The following ESRRG variants were observed in gnomAD, a reference collection of about 807,000 sequenced individuals.
ESRRG encodes estrogen related receptor gamma.
ESRRG carries 13 observed loss-of-function variants against 44.0 expected under a neutral mutation model. The observed-to-expected ratio is 0.30, with a 90% CI of 0.19 to 0.47. The LOEUF is 0.47. ESRRG is among the 20% of genes least tolerant of loss of function. The pLI is 1.00. For synonymous variants in ESRRG, 215 were observed against 214.6 expected (o/e 1.00, Z -0.02); for missense variants, 395 against 580.6 (o/e 0.68, Z 3.29).
chr1:216,941,855 C>G (rs537596092), intron 1 of ESRRG, among the ~76,000 whole-genome samples: 8 of 152,264 alleles, frequency 5.3e-5, no homozygotes, highest in Non-Finnish European at 1.2e-4. Context: ...CTATTTATCT[C>G]ATTTTTTCCC....
chr1:216,677,822 T>C (rs1575164646), intron 1 of ESRRG, among the ~76,000 whole-genome samples: 1 of 152,272 alleles, frequency 6.6e-6, no homozygotes, highest in South Asian at 2.1e-4. Context: ...ATTTTACCTT[T>C]CTCTTGGAGA....
At chr1:216,855,425 T>A (rs75886367) in intron 2 of ESRRG, among the ~76,000 whole-genome samples, 6 of 115,670 alleles carry the variant, frequency 5.2e-5, no homozygotes, top group Non-Finnish European at 6.6e-5. Flanking sequence ...AGAAAAAAAA[T>A]ATCTGTGGGT....
Position 216,713,184 on chromosome 1 carries a change from G to A in ESRRG, c.56+10060C>T, listed in dbSNP as rs180930178. On this transcript the variant is annotated intron_variant, in intron 1 of 6. Coordinates refer to ENST00000408911, the MANE Select transcript of ESRRG (RefSeq NM_001438.4). ...TGAATACGCCAAATTATTTGTAGGC[G>A]TCAAATTACAAAGAAGAGAAAATGG... Among the ~76,000 whole-genome samples the A allele has an allele frequency of 1.1e-4, 16 of 152,116 alleles. No individual in the cohort carries two copies. The East Asian group carries it at 2.3e-3, about 22-fold the overall frequency.
At chr1:216,642,526 C>T (rs2066660247) in intron 3 of ESRRG, among the ~76,000 whole-genome samples, 1 of 152,002 alleles carries the variant, frequency 6.6e-6, no homozygotes, top group Non-Finnish European at 1.5e-5. Context: ...GTGCTCTTCG[C>T]TATTGCTTAT....
chr1:216,647,800 A>T (rs2067969075), intron 3 of ESRRG, among the ~76,000 whole-genome samples: 1 of 152,188 alleles, frequency 6.6e-6, no homozygotes, highest in Non-Finnish European at 1.5e-5. Flanking sequence ...CATTTCCTTC[A>T]GGCAACACTT....
intron 2 of ESRRG, among the ~76,000 whole-genome samples, chr1:216,814,829 A>T (rs1361331): frequency 0.055 from 8,414 of 152,260 alleles, 740 homozygotes; most frequent in African/African-American, 0.18. Context: ...AAAACTTGCC[A>T]ATTTCCCCAA....
chr1:217,014,952 C>A (rs1325942779), intron 1 of ESRRG, among the ~76,000 whole-genome samples: 1 of 152,064 alleles, frequency 6.6e-6, no homozygotes, highest in Non-Finnish European at 1.5e-5. Flanking sequence ...ATTACAGCTC[C>A]CAAACCAATT....
chr1:216,563,336 C>T (rs748612366), intron 5 of ESRRG, among the ~76,000 whole-genome samples: 6 of 152,124 alleles, frequency 3.9e-5, no homozygotes, highest in African/African-American at 9.7e-5. Flanking sequence ...CAGTTCGTTA[C>T]GACTGTTAGC....
Position 216,905,184 on chromosome 1 carries a change from C to T in ESRRG, c.-14+34398G>A, listed in dbSNP as rs2059550354. Among the ~76,000 whole-genome samples the T allele has an allele frequency of 1.3e-5, 2 of 152,204 alleles. 1 individual carries two copies. Among genetic ancestry groups the T allele is most frequent in the Admixed American group, 1.3e-4 (2 of 15,276 alleles). On this transcript the variant is annotated intron_variant, in intron 2 of 7. Coordinates refer to the ESRRG transcript ENST00000359162. ...AGATACTCCGGCTGCCCATCACACA[C>T]AGAATGCATTGCACACGCCTTACTG...
chr1:216,701,688 T>C (rs1172767787), intron 1 of ESRRG, among the ~76,000 whole-genome samples: 1 of 152,208 alleles, frequency 6.6e-6, no homozygotes, highest in African/African-American at 2.4e-5. Context: ...CCCCAAATGG[T>C]CACCTTACCT....
chr1:216,926,850 C>A (rs2576241), intron 2 of ESRRG, among the ~76,000 whole-genome samples: 80,005 of 151,904 alleles, frequency 0.53, 21,203 homozygotes, highest in Middle Eastern at 0.59. Context: ...GCCAGAGCGC[C>A]GGGTGGAATG....
intron 1 of ESRRG, among the ~76,000 whole-genome samples, chr1:216,994,302 G>C (rs2076092201): frequency 6.6e-6 from 1 of 152,176 alleles, no homozygotes; most frequent in Non-Finnish European, 1.5e-5. Flanking sequence ...TGAGTTAGTA[G>C]CTCCTCTCCA....
intron 3 of ESRRG, among the ~76,000 whole-genome samples, chr1:216,590,384 C>T (rs991595128): frequency 6.6e-6 from 1 of 152,120 alleles, no homozygotes; most frequent in African/African-American, 2.4e-5. Context: ...GAGTGCTTTA[C>T]ACTGAACATT....
intron 1 of ESRRG, among the ~76,000 whole-genome samples, chr1:217,112,407 A>G (rs2092671231): frequency 6.6e-6 from 1 of 152,160 alleles, no homozygotes; most frequent in Non-Finnish European, 1.5e-5. Context: ...CTTGAAAGAG[A>G]GAGGGAACTA....
chr1:216,888,421 T>C (rs984745177), intron 2 of ESRRG, among the ~76,000 whole-genome samples: 4 of 152,202 alleles, frequency 2.6e-5, no homozygotes, highest in Non-Finnish European at 5.9e-5. Context: ...TCTGAGACTA[T>C]TTGCTTGTTT....
chr1:216,734,292 T>C (rs1274160768), intron 2 of ESRRG, among the ~76,000 whole-genome samples: 1 of 152,156 alleles, frequency 6.6e-6, no homozygotes, highest in African/African-American at 2.4e-5. Context: ...CTCATTGATA[T>C]GGTTTGGCTA....
intron 3 of ESRRG, among the ~76,000 whole-genome samples, chr1:216,643,702 T>C (rs374617493): frequency 1.3e-5 from 2 of 152,130 alleles, no homozygotes; most frequent in African/African-American, 4.8e-5. Flanking sequence ...ACCATCATTA[T>C]CTCTGACTTC....
chr1:216,772,817 A>T (rs189327333), intron 2 of ESRRG, among the ~76,000 whole-genome samples: 1 of 151,464 alleles, frequency 6.6e-6, no homozygotes, highest in Non-Finnish European at 1.5e-5. Context: ...TAAGAAATGT[A>T]CTTGGGCAGC....
chr1:216,955,841 A>C (rs2818797), intron 1 of ESRRG, among the ~76,000 whole-genome samples: 99,686 of 151,990 alleles, frequency 0.66, 35,785 homozygotes, highest in Non-Finnish European at 0.82. Context: ...CTATTTGTAC[A>C]TCTTCTTTTA....
Sources: allele counts gnomAD v4.1 joint callset (sites outside exome capture counted in the v4.1 genomes callset), GRCh38; gene constraint gnomAD v4.1.1; transcripts MANE v1.5; gene names NCBI Gene and HGNC (gene_info 2026-07-23, HGNC 2026-07-21).